The following OTOF variants were observed in gnomAD, a reference collection of about 807,000 sequenced individuals.
The protein encoded by OTOF is otoferlin, also known as fer-1-like family member 2.
Under a neutral mutation model 236.8 loss-of-function variants are expected in OTOF, and 218 were observed. The ratio of observed to expected loss-of-function variants is 0.92; its 90% confidence interval spans 0.82 to 1.03. The LOEUF (loss-of-function observed/expected upper bound fraction) is 1.03, where lower values mean the gene tolerates loss of function less well. Ranked by LOEUF, OTOF falls within the 50% of genes least tolerant of loss-of-function variation. The pLI is 0.00. For missense variants in OTOF, 2,590 were observed against 2,694.4 expected (o/e 0.96, Z 0.86); for synonymous variants, 1,041 against 1,072.5 (o/e 0.97, Z 0.57).
intron 5 of OTOF, chr2:26,510,827 G>C (rs563293005): frequency 2.1e-6 from 2 of 955,288 alleles, no homozygotes; most frequent in African/African-American, 1.7e-5. Flanking sequence ...CCTCAGCCCC[G>C]GCCCCACGGG....
chr2:26,469,916 G>A (rs570309286), intron 32 of OTOF, among the ~76,000 whole-genome samples: 5 of 152,320 alleles, frequency 3.3e-5, no homozygotes, highest in Admixed American at 2.0e-4. Context: ...CAGGTGGCCA[G>A]TCAGAGCACC....
intron 8 of OTOF, among the ~76,000 whole-genome samples, chr2:26,500,024 T>A (rs1372577101): frequency 1.3e-5 from 2 of 152,208 alleles, no homozygotes; most frequent in African/African-American, 4.8e-5. Context: ...GGAGGCAGTT[T>A]GAAAAGGTTT....
chr2:26,551,135 G>A (rs1278970776), intron 1 of OTOF, among the ~76,000 whole-genome samples: 8 of 152,072 alleles, frequency 5.3e-5, no homozygotes, highest in South Asian at 4.2e-4. Flanking sequence ...GATTATAGGC[G>A]TGCACCACCA....
intron 15 of OTOF, 125 bp from the exon 16 acceptor site, chr2:26,480,436 G>A: frequency 1.4e-6 from 1 of 727,240 alleles, no homozygotes; most frequent in Non-Finnish European, 2.5e-6. Context: ...CCCGGCTTTG[G>A]GGCCAGGCAG....
chr2:26,507,484 TGTCTGAAA>T (rs1455616591), intron 5 of OTOF, among the ~76,000 whole-genome samples: 1 of 152,282 alleles, frequency 6.6e-6, no homozygotes, highest in Non-Finnish European at 1.5e-5. Flanking sequence ...ATTATCTATT[TGTCTGAAA>T]GACTTAGATT....
chr2:26,546,947 A>C (rs1667347785), intron 1 of OTOF, among the ~76,000 whole-genome samples: 1 of 152,214 alleles, frequency 6.6e-6, no homozygotes, highest in Non-Finnish European at 1.5e-5. Context: ...TTTTCTGTGA[A>C]TAAAGATAGT....
At chr2:26,497,165 C>T (rs769621487) in intron 8 of OTOF, among the ~76,000 whole-genome samples, 8 of 136,812 alleles carry the variant, frequency 5.8e-5, no homozygotes, top group South Asian at 2.4e-4. Flanking sequence ...TGCAGTGGCA[C>T]GATCTAGGCT....
At chr2:26,505,215 C>T (rs1666217756) in intron 5 of OTOF, among the ~76,000 whole-genome samples, 1 of 152,052 alleles carries the variant, frequency 6.6e-6, no homozygotes, top group Non-Finnish European at 1.5e-5. Context: ...CAGCAGCTCA[C>T]AATTTAGGGA....
Position 26,489,144 on chromosome 2 carries a change from G to A in OTOF, c.1045+67C>T, listed in dbSNP as rs572411134. Reference sequence around the variant, plus strand: ...TTCCCAGGAACTGCCACAGTGGGAAGGGCCCCGTGCACCACGCTCCCTGAG... The same window carrying A: ...TTCCCAGGAACTGCCACAGTGGGAAAGGCCCCGTGCACCACGCTCCCTGAG... On this transcript the variant is annotated intron_variant, in intron 11 of 46. Transcript: ENST00000272371. 549 of 1,149,318 alleles carry A rather than the reference G, an allele frequency of 4.8e-4. 2 individuals are homozygous for A. The African/African-American group carries it at 7.9e-3, about 16-fold the overall frequency. The allele number at this position is 1,149,318 out of a possible 1,614,324, so 71.2% of individuals were successfully genotyped here. A position where few individuals can be genotyped will look rare whatever the true frequency, so the allele number is the denominator to read the frequency against.
rs1409180533 is a variant in OTOF at position 26,473,150 on chromosome 2, G to A, written c.3715C>T (p.Pro1239Ser). Residue 1239 changes from proline (P) to serine (S), a missense_variant, in exon 29 of 47, where the codon CCC (proline) becomes TCC (serine). Around this residue, in one of 2 missense-constraint regions of OTOF, gnomAD observed 1,211 missense variants for 1,352.8 expected, o/e 0.90. Transcript: ENST00000272371. The surrounding 1 kb of genome is among the most constrained non-coding windows in gnomAD (Gnocchi z 7.2). ...GCCATACCCGTGGTGTTCCAGCTGG[G>A]GGCCGAGCGGTCTGGGGGCCGGTAG... ...FIYRPPDRSA[P>S]SWNTTVRLLR... 1 of 1,612,558 alleles carries A rather than the reference G, an allele frequency of 6.2e-7. No individual in the cohort carries two copies. The highest frequency in any genetic ancestry group is 1.7e-5 in the Admixed American group (1 of 60,010).
chr2:26,482,560 C>G lies in OTOF; in HGVS notation c.1425G>C (p.Glu475Asp), dbSNP rs375680893. 1.2e-6 allele frequency: 2 copies of G among 1,613,342 alleles called. No individual in the cohort carries two copies. Among genetic ancestry groups the G allele is most frequent in the South Asian group, 2.2e-5 (2 of 91,076 alleles). The change falls in exon 14 of 47, where the codon GAG becomes GAC. Residue 475 changes from glutamate (E) to aspartate (D), a missense_variant. Physicochemically the swap from Glu to Asp is conservative, Grantham distance 45 (BLOSUM62 2). This residue lies in a region of OTOF where 1,379 missense variants were observed against 1,341.6 expected (regional missense o/e 1.03). Coordinates refer to ENST00000272371, the MANE Select transcript of OTOF (RefSeq NM_194248.3). ...AGACGACCTGCTCATTCCACAGGGG[C>G]TCATAGCTGCTCTTCTGCACTGAAG... The part of the protein sequence containing the change: ...GKTSVQKSSY[E>D]PLWNEQVVFT...
chr2:26,512,485 G>A (rs910785200), intron 5 of OTOF, among the ~76,000 whole-genome samples: 11 of 152,246 alleles, frequency 7.2e-5, no homozygotes, highest in African/African-American at 1.9e-4. Flanking sequence ...ACTAGGGCAG[G>A]CATACGCTGC....
At chr2:26,516,692 T>G in intron 4 of OTOF, 93 bp from the exon 5 acceptor site, 5 of 1,327,278 alleles carry the variant, frequency 3.8e-6, no homozygotes, top group Non-Finnish European at 5.3e-6. Context: ...ACACAGCGCT[T>G]CCACACCCTT....
chr2:26,550,888 G>A (rs563283442), intron 1 of OTOF, among the ~76,000 whole-genome samples: 27 of 152,060 alleles, frequency 1.8e-4, no homozygotes, highest in Non-Finnish European at 2.6e-4. Context: ...TGCGTCCCCC[G>A]TGCCCTGCCT....
At chr2:26,536,446 C>T (rs190200163) in intron 2 of OTOF, among the ~76,000 whole-genome samples, 99 of 152,264 alleles carry the variant, frequency 6.5e-4, no homozygotes, top group African/African-American at 2.2e-3. Flanking sequence ...GTGGCAACTG[C>T]GCCCTGAAGT....
intron 9 of OTOF, among the ~76,000 whole-genome samples, chr2:26,492,529 G>A (rs1372301627): frequency 6.6e-6 from 1 of 152,170 alleles, no homozygotes; most frequent in Non-Finnish European, 1.5e-5. Flanking sequence ...AACAAGGAGG[G>A]GACCTGCGCA....
At chr2:26,496,234 T>G (rs1366531865) in intron 8 of OTOF, among the ~76,000 whole-genome samples, 1 of 132,062 alleles carries the variant, frequency 7.6e-6, no homozygotes, top group African/African-American at 3.6e-5. Flanking sequence ...AAATGATTAA[T>G]GGCTTTTTTT....
In OTOF at chr2:26,529,452, C is replaced by T. The variant is rs11901883; in HGVS notation, c.139-1532G>A. On this transcript the variant is annotated intron_variant, in intron 2 of 46. Coordinates refer to ENST00000272371, the MANE Select transcript of OTOF (RefSeq NM_194248.3). ...TCATTCATTTAGTCTTTCCAATGGC[C>T]GGAGAGGTGGGTAATGGCTTCTGTG... Among the ~76,000 whole-genome samples, 330 of 152,218 alleles carry T rather than the reference C, an allele frequency of 2.2e-3. 1 individual carries two copies. Among genetic ancestry groups the T allele is most frequent in the African/African-American group, 7.6e-3 (314 of 41,526 alleles).
In OTOF at chr2:26,533,364, G is replaced by C. The variant is rs376360304; in HGVS notation, c.138+4352C>G. 4.6e-5 allele frequency among the ~76,000 whole-genome samples: 7 copies of C among 152,226 alleles called. No individual in the cohort carries two copies. In the East Asian group the frequency reaches 1.2e-3, roughly 25 times the overall value. On this transcript the variant is annotated intron_variant, in intron 2 of 46. Transcript: ENST00000272371. Reference sequence around the variant, plus strand: ...ACGGATTTGCAAGCTTAAAGGCCTGGGCTCAGTATCCCGAGTGTGGCTATT... The same window carrying C: ...ACGGATTTGCAAGCTTAAAGGCCTGCGCTCAGTATCCCGAGTGTGGCTATT...
Sources: gnomAD v4.1 joint callset for allele counts (sites outside exome capture counted in the v4.1 genomes callset) on GRCh38, gnomAD v4.1.1 for gene constraint, gnomAD v4.1.1 regional missense constraint, Gnocchi (gnomAD v3.1) non-coding constraint, MANE v1.5 for transcripts, NCBI Gene and HGNC (gene_info 2026-07-23, HGNC 2026-07-21) for gene names.